LARGE1: variants seen among roughly 807,000 people sequenced by gnomAD.
LARGE1 encodes the protein xylosyl- and glucuronyltransferase LARGE1.
LARGE1 carries 43 observed loss-of-function variants against 87.6 expected under a neutral mutation model. The observed-to-expected ratio is 0.49, with a 90% confidence interval of 0.38 to 0.63. The LOEUF is 0.63. Among genes scored for constraint, LARGE1 ranks in the 30% least tolerant of loss-of-function variants. LARGE1 has a pLI of 0.00. For synonymous variants in LARGE1, 434 were observed against 394.6 expected, an observed-to-expected ratio of 1.10 and a Z score of -1.18; for missense variants, 802 against 1,000.2, an observed-to-expected ratio of 0.80 and a Z score of 2.67.
chr22:33,634,519 A>C (rs2080208649), intron 3 of LARGE1, among the ~76,000 whole-genome samples: 2 of 151,988 alleles, frequency 1.3e-5, no homozygotes, highest in African/African-American at 2.4e-5. Flanking sequence ...AGAGAGCACC[A>C]CTTTTCTTCA....
At chr22:33,268,327 A>G (rs1928062827), downstream of LARGE1, among the ~76,000 whole-genome samples, 1 of 151,610 alleles carries the variant, frequency 6.6e-6, no homozygotes, top group Non-Finnish European at 1.5e-5. Context: ...AACTAAAAAA[A>G]CTATGAAGGT....
intron 11 of LARGE1, among the ~76,000 whole-genome samples, chr22:33,264,608 G>A (rs1414961692): frequency 6.6e-6 from 1 of 152,142 alleles, no homozygotes; most frequent in Non-Finnish European, 1.5e-5. Flanking sequence ...GCAGTGAGCC[G>A]AGATTGCACC....
At chr22:33,650,819 G>A (rs554252322) in intron 2 of LARGE1, 151 bp from the exon 3 acceptor site, 2 of 859,292 alleles carry the variant, frequency 2.3e-6, no homozygotes, top group South Asian at 1.6e-5. Context: ...ACAAATAAAC[G>A]CATCCAGATT....
intron 13 of LARGE1, among the ~76,000 whole-genome samples, chr22:33,277,742 G>C (rs1929624502): frequency 6.6e-6 from 1 of 152,176 alleles, no homozygotes; most frequent in African/African-American, 2.4e-5. Flanking sequence ...TTTCTATTAT[G>C]TTAAGCCATC....
At chr22:33,232,754 A>G (rs898578870) in intron 11 of LARGE1, among the ~76,000 whole-genome samples, 9 of 152,214 alleles carry the variant, frequency 5.9e-5, no homozygotes, top group Non-Finnish European at 1.3e-4. Context: ...CAGATAAATG[A>G]GGCCTATTCT....
At position 33,719,727 on chromosome 22, in the gene LARGE1, A is replaced by G. The variant is rs547338898; in HGVS notation, c.106+41644T>C. 1.0e-3 allele frequency among the ~76,000 whole-genome samples: 159 copies of G among 152,158 alleles called. 1 individual carries two copies. In the South Asian group the frequency reaches 0.012, roughly 11 times the overall value. On this transcript the variant is annotated intron_variant, in intron 2 of 14. Transcript: ENST00000397394. ...AGTAGAGATGGGGTTTCACCATATT[A>G]GCCAGGATGGTCCTGATTTCCTGAC...
intron 2 of LARGE1, among the ~76,000 whole-genome samples, chr22:33,693,202 G>A (rs368563193): frequency 1.9e-4 from 29 of 152,242 alleles, no homozygotes; most frequent in African/African-American, 5.3e-4. Flanking sequence ...ACTACGGTTC[G>A]CAAAGGCAGA....
At chr22:33,899,157 C>T (rs555819536) in intron 1 of LARGE1, among the ~76,000 whole-genome samples, 6 of 152,194 alleles carry the variant, frequency 3.9e-5, no homozygotes, top group Non-Finnish European at 8.8e-5. Context: ...CAGTGTGGCA[C>T]TGTACAAGGC....
intron 3 of LARGE1, among the ~76,000 whole-genome samples, chr22:33,630,551 T>G (rs2080075133): frequency 6.6e-6 from 1 of 152,122 alleles, no homozygotes; most frequent in South Asian, 2.1e-4. Flanking sequence ...GGTGAGTATT[T>G]CTATCTCTTA....
At chr22:33,517,223 T>C (rs140781908) in intron 6 of LARGE1, among the ~76,000 whole-genome samples, 1 of 152,174 alleles carries the variant, frequency 6.6e-6, no homozygotes, top group African/African-American at 2.4e-5. Flanking sequence ...GAAGCTACGA[T>C]AGGATGAAAA....
chr22:33,778,648 C>A (rs146728001), intron 1 of LARGE1, among the ~76,000 whole-genome samples: 1 of 152,034 alleles, frequency 6.6e-6, no homozygotes. Context: ...CACATGTCAG[C>A]GCAGTATCCT....
At chr22:33,412,565 T>A (rs1196299411) in intron 7 of LARGE1, among the ~76,000 whole-genome samples, 1 of 152,204 alleles carries the variant, frequency 6.6e-6, no homozygotes, top group East Asian at 1.9e-4. Flanking sequence ...TGATTAGGAA[T>A]TAACAAGTTT....
intron 6 of LARGE1, among the ~76,000 whole-genome samples, chr22:33,466,370 C>CCT (rs145185909): frequency 0.09 from 13,015 of 144,448 alleles, 736 homozygotes; most frequent in African/African-American, 0.16. Flanking sequence ...TTTTCTCTTG[C>CCT]CTCTCTCTCT....
At chr22:33,310,181 G>C (rs773091605) in intron 11 of LARGE1, among the ~76,000 whole-genome samples, 2 of 152,122 alleles carry the variant, frequency 1.3e-5, no homozygotes, top group Non-Finnish European at 2.9e-5. Flanking sequence ...TGTGTTGCTG[G>C]TTCCAGGAGC....
chr22:33,457,591 GC>G (rs1178957415), intron 6 of LARGE1, among the ~76,000 whole-genome samples: 1 of 151,998 alleles, frequency 6.6e-6, no homozygotes, highest in East Asian at 1.9e-4. Context: ...ACATGTATAT[GC>G]CTAAGAGACA....
intron 1 of LARGE1, among the ~76,000 whole-genome samples, chr22:33,819,369 G>C (rs2086752372): frequency 6.6e-6 from 1 of 152,032 alleles, no homozygotes. Context: ...TTAAAGTTCA[G>C]ACCTTCTGGT....
intron 6 of LARGE1, among the ~76,000 whole-genome samples, chr22:33,528,140 G>T (rs562054246): frequency 6.7e-6 from 1 of 148,358 alleles, no homozygotes; most frequent in Non-Finnish European, 1.5e-5. Flanking sequence ...CGGGGGGGGC[G>T]GGGCGGGGTA....
At chr22:33,357,117 A>G (rs1940964055) in intron 9 of LARGE1, among the ~76,000 whole-genome samples, 1 of 152,236 alleles carries the variant, frequency 6.6e-6, no homozygotes, top group Non-Finnish European at 1.5e-5. Context: ...AGTCAGCCTA[A>G]GTGTCCATCA....
chr22:33,145,864 T>C, the LARGE1 span, among the ~76,000 whole-genome samples: 2 of 152,178 alleles, frequency 1.3e-5, no homozygotes, highest in African/African-American at 4.8e-5. Context: ...AACTCATCAA[T>C]TTGTTGACAG....
Sources: gnomAD v4.1 joint callset for allele counts (sites outside exome capture counted in the v4.1 genomes callset) on GRCh38, gnomAD v4.1.1 for gene constraint, MANE v1.5 for transcripts, NCBI Gene and HGNC (gene_info 2026-07-23, HGNC 2026-07-21) for gene names.